NR3C2: variants seen among roughly 807,000 people sequenced by gnomAD.
The protein encoded by NR3C2 is nuclear receptor subfamily 3 group C member 2.
Under a neutral mutation model 86.4 loss-of-function variants are expected in NR3C2, and 15 were observed. That is an observed-to-expected ratio of 0.17 (90% CI 0.12 to 0.27). The LOEUF (loss-of-function observed/expected upper bound fraction) is 0.27. Among genes scored for constraint, NR3C2 ranks in the 10% least tolerant of loss-of-function variants. The probability of loss-of-function intolerance (pLI) is 1.00; values close to 1 mark genes in which losing one functional copy is unlikely to be tolerated. For missense variants in NR3C2, 960 were observed against 1,195.6 expected, an observed-to-expected ratio of 0.80 and a Z score of 2.91; for synonymous variants, 458 against 450.5, an observed-to-expected ratio of 1.02 and a Z score of -0.21.
At chr4:148,409,476 C>CT (rs879516855) in intron 2 of NR3C2, among the ~76,000 whole-genome samples, 40 of 152,116 alleles carry the variant, frequency 2.6e-4, no homozygotes, top group Non-Finnish European at 4.9e-4. Flanking sequence ...TAGGCCTTAT[C>CT]TGTCTTGTCA....
At chr4:148,333,518 A>T (rs7688209) in intron 2 of NR3C2, among the ~76,000 whole-genome samples, 50,954 of 151,292 alleles carry the variant, frequency 0.34, 9,862 homozygotes, top group African/African-American at 0.53. Flanking sequence ...ATCTCCTGGA[A>T]CTTCCAGAAA....
intron 2 of NR3C2, among the ~76,000 whole-genome samples, chr4:148,294,254 G>A (rs1741940171): frequency 6.6e-6 from 1 of 152,150 alleles, no homozygotes; most frequent in African/African-American, 2.4e-5. Context: ...TTGTTTTGAG[G>A]ACTAGCTGAG....
At chr4:148,083,437 T>TGCA (rs1038803578) in intron 8 of NR3C2, among the ~76,000 whole-genome samples, 2 of 152,156 alleles carry the variant, frequency 1.3e-5, no homozygotes, top group African/African-American at 4.8e-5. Context: ...CCAGCAGACC[T>TGCA]GCAGCAGAGG....
chr4:148,288,196 T>C (rs1055246467), intron 2 of NR3C2, among the ~76,000 whole-genome samples: 3 of 152,224 alleles, frequency 2.0e-5, no homozygotes, highest in Admixed American at 1.3e-4. Flanking sequence ...AAATTCAAAC[T>C]ACTCTCTAGC....
intron 6 of NR3C2, among the ~76,000 whole-genome samples, chr4:148,133,402 C>G (rs1049652610): frequency 6.6e-6 from 1 of 152,126 alleles, no homozygotes; most frequent in African/African-American, 2.4e-5. Context: ...CGTAAAGACA[C>G]TGCTTACTTT....
intron 2 of NR3C2, among the ~76,000 whole-genome samples, chr4:148,432,932 G>A (rs555669423): frequency 2.0e-5 from 3 of 152,138 alleles, no homozygotes; most frequent in South Asian, 2.1e-4. Flanking sequence ...ATCAAATCAC[G>A]TTAAAGCTTT....
intron 3 of NR3C2, among the ~76,000 whole-genome samples, chr4:148,195,414 T>C (rs1386597926): frequency 6.6e-6 from 1 of 152,240 alleles, no homozygotes; most frequent in East Asian, 1.9e-4. Flanking sequence ...AATTGTAGCC[T>C]AGCTTTATTA....
At chr4:148,109,050 C>T (rs113388958) in intron 8 of NR3C2, among the ~76,000 whole-genome samples, 4,166 of 152,220 alleles carry the variant, frequency 0.027, 187 homozygotes, top group African/African-American at 0.094. Flanking sequence ...TGGCAGCGTC[C>T]GGAGCACTCA....
upstream of NR3C2, chr4:148,443,981 C>G (rs1750477946): frequency 1.0e-6 from 1 of 984,904 alleles, no homozygotes; most frequent in South Asian, 4.7e-5. Flanking sequence ...GCCCCTCGGT[C>G]CCCAGCTTGG....
rs1417889193 is a variant in NR3C2, at chr4:148,079,141, C to CTAAG, written c.*2199_*2202dup. 10 of 152,522 alleles carry CTAAG rather than the reference C, an allele frequency of 6.6e-5. No homozygotes were observed. Among genetic ancestry groups the CTAAG allele is most frequent in the East Asian group, 1.9e-4 (1 of 5,194 alleles). The allele number at this position is 152,522 out of a possible 1,614,324, so 9.4% of individuals were successfully genotyped here. ...AGTCAGAATTCCCATTTTATAAAAA[C>CTAAG]TAAGTCTGAACTAAAAGCTGCTTTT... is the stretch of plus-strand genomic sequence containing the variant. On this transcript the variant is annotated 3_prime_UTR_variant, in exon 9 of 9. Coordinates refer to ENST00000358102, the MANE Select transcript of NR3C2 (RefSeq NM_000901.5).
chr4:148,146,026 C>T (rs1733852584), intron 6 of NR3C2, among the ~76,000 whole-genome samples: 1 of 151,978 alleles, frequency 6.6e-6, no homozygotes, highest in Admixed American at 6.6e-5. Context: ...CTGCAGAAAT[C>T]ACACAACAGT....
At chr4:148,093,521 T>C (rs1388687109) in intron 8 of NR3C2, among the ~76,000 whole-genome samples, 2 of 152,194 alleles carry the variant, frequency 1.3e-5, no homozygotes, top group East Asian at 3.8e-4. Context: ...CTAATTGGAG[T>C]GAGCTTTTGC....
In NR3C2 at chr4:148,337,713, T is replaced by C. The variant is rs183389237; in HGVS notation, c.1758-77596A>G. The stretch of plus-strand genomic sequence containing the variant: ...AATATTAATCTTAAAAATGTTTCTA[T>C]GGATGAGTAGAAATATATGGTACAT... On this transcript the variant is annotated intron_variant, in intron 2 of 8. Transcript: ENST00000358102. Among the ~76,000 whole-genome samples the C allele has an allele frequency of 3.7e-4, 56 of 152,316 alleles. No individual in the cohort carries two copies. The East Asian group carries it at 6.6e-3, about 18-fold the overall frequency.
intron 4 of NR3C2, among the ~76,000 whole-genome samples, chr4:148,190,736 T>G (rs1736156827): frequency 6.6e-6 from 1 of 152,214 alleles, no homozygotes; most frequent in Admixed American, 6.5e-5. Flanking sequence ...GCATATATGT[T>G]TAGGATTTTA....
intron 3 of NR3C2, among the ~76,000 whole-genome samples, chr4:148,214,363 T>G (rs1017287488): frequency 6.7e-6 from 1 of 148,976 alleles, no homozygotes; most frequent in Non-Finnish European, 1.5e-5. Flanking sequence ...TTTTGAAGAG[T>G]TTTTTTTTTT....
chr4:148,126,690 T>A (rs1732762321), intron 6 of NR3C2, among the ~76,000 whole-genome samples: 2 of 151,828 alleles, frequency 1.3e-5, no homozygotes, highest in South Asian at 4.2e-4. Flanking sequence ...AAAGAAAGCA[T>A]TTTTTTTGCC....
intron 8 of NR3C2, among the ~76,000 whole-genome samples, chr4:148,090,376 T>G (rs1407124657): frequency 1.3e-5 from 2 of 151,960 alleles, no homozygotes; most frequent in Non-Finnish European, 2.9e-5. Context: ...ACCTAGGGAG[T>G]TCCTGAAGAG....
chr4:148,381,760 T>C (rs1355306078), intron 2 of NR3C2, among the ~76,000 whole-genome samples: 1 of 152,238 alleles, frequency 6.6e-6, no homozygotes, highest in Non-Finnish European at 1.5e-5. Flanking sequence ...CTTTATCATT[T>C]AGTAAATGAT....
intron 2 of NR3C2, among the ~76,000 whole-genome samples, chr4:148,308,518 C>CA (rs1011315146): frequency 4.6e-4 from 68 of 149,212 alleles, no homozygotes; most frequent in African/African-American, 1.3e-3. Flanking sequence ...ATGTGGAAGC[C>CA]AAAAAAAAAG....
Sources: gnomAD v4.1 joint callset for allele counts (sites outside exome capture counted in the v4.1 genomes callset) on GRCh38, gnomAD v4.1.1 for gene constraint, MANE v1.5 for transcripts, NCBI Gene and HGNC (gene_info 2026-07-23, HGNC 2026-07-21) for gene names.